Variants in CFAP299 observed in about 807,000 individuals in gnomAD.
The protein encoded by CFAP299 is cilia and flagella associated protein 299, also known as cilia- and flagella-associated protein 299.
Under a neutral mutation model 27.0 loss-of-function variants are expected in CFAP299, and 21 were observed. The observed-to-expected ratio is 0.78, with a 90% CI of 0.55 to 1.12. The LOEUF (loss-of-function observed/expected upper bound fraction) is 1.12, where lower values mean the gene tolerates loss of function less well. Among genes scored for constraint, CFAP299 ranks in the 50% most tolerant of loss-of-function variants. The pLI is 0.00. For missense variants in CFAP299, 310 were observed against 276.6 expected, an observed-to-expected ratio of 1.12 and a Z score of -0.86; for synonymous variants, 104 against 98.1, an observed-to-expected ratio of 1.06 and a Z score of -0.36.
At position 80,923,819 on chromosome 4, in the gene CFAP299, G is replaced by A. The variant is rs551631528; in HGVS notation, c.477-20991G>A. 3.9e-4 allele frequency among the ~76,000 whole-genome samples: 60 copies of A among 152,034 alleles called. 1 individual carries two copies. The highest frequency in any genetic ancestry group is 1.3e-3 in the African/African-American group (56 of 41,524). ...CCATTTTAAAAATTATGAGACAATT[G>A]GGGAAATTTGAACACTAACTGGGTA... On this transcript the variant is annotated intron_variant, in intron 4 of 5. Coordinates refer to ENST00000358105, the MANE Select transcript of CFAP299 (RefSeq NM_152770.3).
intron 3 of CFAP299, among the ~76,000 whole-genome samples, chr4:80,661,112 G>T (rs1200809736): frequency 1.3e-5 from 2 of 152,088 alleles, no homozygotes; most frequent in Non-Finnish European, 2.9e-5. Flanking sequence ...GATCACCTGA[G>T]GTCAGGAGTT....
intron 2 of CFAP299, among the ~76,000 whole-genome samples, chr4:80,572,520 T>TTTTTTTTTTTTTTTTTTTTTTTTTTG (rs1735638219): frequency 8.0e-6 from 1 of 125,248 alleles, no homozygotes; most frequent in Non-Finnish European, 1.7e-5. Context: ...TTTTTTTTTT[T>TTTTTTTTTTTTTTTTTTTTTTTTTTG]TTTTTTTTTT....
At chr4:80,655,883 T>C (rs1740531228) in intron 3 of CFAP299, among the ~76,000 whole-genome samples, 1 of 152,190 alleles carries the variant, frequency 6.6e-6, no homozygotes, top group Non-Finnish European at 1.5e-5. Context: ...CTGCTCTGCT[T>C]ATTGGCATGC....
chr4:80,367,888 T>C (rs987596289), intron 2 of CFAP299, among the ~76,000 whole-genome samples: 1 of 152,188 alleles, frequency 6.6e-6, no homozygotes, highest in Non-Finnish European at 1.5e-5. Flanking sequence ...GATTGCCATG[T>C]GGTGGAGAGA....
chr4:80,846,034 G>T (rs989200484), intron 3 of CFAP299, among the ~76,000 whole-genome samples: 1 of 151,900 alleles, frequency 6.6e-6, no homozygotes, highest in African/African-American at 2.4e-5. Flanking sequence ...TGCATGTTTT[G>T]TCTATGCTGG....
At chr4:80,553,362 T>C (rs527382882) in intron 2 of CFAP299, among the ~76,000 whole-genome samples, 22 of 152,326 alleles carry the variant, frequency 1.4e-4, no homozygotes, top group African/African-American at 5.3e-4. Context: ...CCTGGGTGTA[T>C]AGGTACCAAA....
chr4:80,376,169 C>A (rs1186117106), intron 2 of CFAP299, among the ~76,000 whole-genome samples: 1 of 152,082 alleles, frequency 6.6e-6, no homozygotes, highest in African/African-American at 2.4e-5. Context: ...TGAATGGAAT[C>A]ATAAATTATG....
chr4:80,483,036 G>C (rs2110129452), intron 2 of CFAP299, among the ~76,000 whole-genome samples: 1 of 152,284 alleles, frequency 6.6e-6, no homozygotes, highest in African/African-American at 2.4e-5. Context: ...ATGGAAATAA[G>C]GTTACTAGGC....
At chr4:80,655,652 G>C (rs1740516519) in intron 3 of CFAP299, among the ~76,000 whole-genome samples, 4 of 152,014 alleles carry the variant, frequency 2.6e-5, no homozygotes, top group Non-Finnish European at 5.9e-5. Context: ...TAAAATATTT[G>C]AAACAGTGAG....
chr4:80,923,037 A>C (rs766953624), intron 4 of CFAP299, among the ~76,000 whole-genome samples: 4 of 151,982 alleles, frequency 2.6e-5, no homozygotes, highest in Non-Finnish European at 1.5e-5. Context: ...CATGCTGGCT[A>C]TTTGCTAAAC....
At chr4:80,788,168 A>C (rs1019993920) in intron 3 of CFAP299, among the ~76,000 whole-genome samples, 1 of 152,068 alleles carries the variant, frequency 6.6e-6, no homozygotes, top group Non-Finnish European at 1.5e-5. Context: ...AAATGTAGAA[A>C]ATAGGACTAT....
intron 3 of CFAP299, among the ~76,000 whole-genome samples, chr4:80,811,810 C>CA (rs963390600): frequency 3.3e-5 from 5 of 149,304 alleles, no homozygotes; most frequent in Admixed American, 1.3e-4. Flanking sequence ...CATAACTGGA[C>CA]AAAAAAGAGA....
At chr4:80,419,596 A>G (rs1486099325) in intron 2 of CFAP299, among the ~76,000 whole-genome samples, 1 of 152,024 alleles carries the variant, frequency 6.6e-6, no homozygotes, top group East Asian at 1.9e-4. Flanking sequence ...GGCTGTGACC[A>G]ATTATTATTT....
At chr4:80,494,260 T>C (rs1731316602) in intron 2 of CFAP299, among the ~76,000 whole-genome samples, 1 of 152,186 alleles carries the variant, frequency 6.6e-6, no homozygotes, top group Non-Finnish European at 1.5e-5. Context: ...TCAAAATGTA[T>C]CTCAAGCTCT....
At chr4:80,800,017 A>T (rs1728316824) in intron 3 of CFAP299, among the ~76,000 whole-genome samples, 1 of 60,946 alleles carries the variant, frequency 1.6e-5, no homozygotes, top group Non-Finnish European at 2.7e-5. Flanking sequence ...AATAAGTAAT[A>T]TATATTATAT....
chr4:80,414,957 C>T (rs1726926568), intron 2 of CFAP299, among the ~76,000 whole-genome samples: 1 of 152,148 alleles, frequency 6.6e-6, no homozygotes, highest in African/African-American at 2.4e-5. Context: ...CATTGTGACC[C>T]TACCTATCCA....
chr4:80,649,121 A>T (rs1403408489), intron 3 of CFAP299: 1 of 152,212 alleles, frequency 6.6e-6, no homozygotes, highest in Non-Finnish European at 1.5e-5. Flanking sequence ...AAACTGGACT[A>T]ACAAAGGGCG....
At chr4:80,548,892 G>A (rs1446821549) in intron 2 of CFAP299, among the ~76,000 whole-genome samples, 1 of 152,096 alleles carries the variant, frequency 6.6e-6, no homozygotes, top group Non-Finnish European at 1.5e-5. Context: ...ATGAGGACAT[G>A]ACATTAAAAG....
chr4:80,515,593 G>T (rs995450099), intron 2 of CFAP299, among the ~76,000 whole-genome samples: 2 of 152,114 alleles, frequency 1.3e-5, no homozygotes, highest in African/African-American at 4.8e-5. Context: ...TTTATCTCCA[G>T]TGAACTTTCC....
Sources: allele counts gnomAD v4.1 joint callset (sites outside exome capture counted in the v4.1 genomes callset), GRCh38; gene constraint gnomAD v4.1.1; transcripts MANE v1.5; gene names NCBI Gene and HGNC (gene_info 2026-07-23, HGNC 2026-07-21).